The following RUNDC3B variants were observed in gnomAD, a reference collection of about 807,000 sequenced individuals.
The protein encoded by RUNDC3B is RUN domain containing 3B, also known as RUN domain-containing protein 3B.
RUNDC3B carries 33 observed loss-of-function variants against 58.4 expected under a neutral mutation model. The observed-to-expected ratio is 0.56, with a 90% CI of 0.43 to 0.75. The LOEUF (loss-of-function observed/expected upper bound fraction) is 0.75, where lower values mean the gene tolerates loss of function less well. RUNDC3B is among the 30% of genes least tolerant of loss of function. The pLI, the probability that RUNDC3B is intolerant of heterozygous loss-of-function variation, is 0.00. For synonymous variants in RUNDC3B, 193 were observed against 195.2 expected, an observed-to-expected ratio of 0.99 and a Z score of 0.10; for missense variants, 501 against 535.7, an observed-to-expected ratio of 0.94 and a Z score of 0.64.
intron 4 of RUNDC3B, among the ~76,000 whole-genome samples, chr7:87,735,492 G>GCCCA (rs1831871992): frequency 6.6e-6 from 1 of 152,172 alleles, no homozygotes; most frequent in Non-Finnish European, 1.5e-5. Context: ...AGGCTCTGTG[G>GCCCA]CTGTCACATT....
intron 4 of RUNDC3B, among the ~76,000 whole-genome samples, chr7:87,736,873 ATATATATATATATATATTTTTTTTTTTT>A (rs1831987247): frequency 2.7e-5 from 1 of 37,640 alleles, no homozygotes; most frequent in African/African-American, 1.0e-4. Flanking sequence ...ATATATATAT[ATATATATATATATATATTTTTTTTTTTT>A]TTTTTTTTTT....
At chr7:87,748,615 C>T (rs1044430230) in intron 6 of RUNDC3B, among the ~76,000 whole-genome samples, 2 of 152,154 alleles carry the variant, frequency 1.3e-5, no homozygotes, top group Admixed American at 6.5e-5. Flanking sequence ...CACACACACA[C>T]ATTCAAAATG....
chr7:87,721,766 A>G (rs1181972687), intron 4 of RUNDC3B, among the ~76,000 whole-genome samples: 1 of 151,464 alleles, frequency 6.6e-6, no homozygotes, highest in Non-Finnish European at 1.5e-5. Context: ...CTATTCTAAC[A>G]TTCTCTTTCT....
Position 87,750,099 on chromosome 7 carries a change from A to G in RUNDC3B, c.629+8520A>G, listed in dbSNP as rs556067760. On this transcript the variant is annotated intron_variant, in intron 6 of 10. Coordinates refer to ENST00000394654, the MANE Select transcript of RUNDC3B (RefSeq NM_001134405.2). ...TGTGTCCATGTGTTCTCATTGTTCA[A>G]TTCCCACCTATGAGTGAGAATATGT... Among the ~76,000 whole-genome samples, 83 of 151,844 alleles carry G rather than the reference A, an allele frequency of 5.5e-4. No individual in the cohort carries two copies. The East Asian group carries it at 8.1e-3, about 15-fold the overall frequency.
chr7:87,817,264 A>G (rs1270842021), intron 10 of RUNDC3B, among the ~76,000 whole-genome samples: 1 of 152,178 alleles, frequency 6.6e-6, no homozygotes, highest in African/African-American at 2.4e-5. Context: ...AATCTTCTCT[A>G]TTACTGCAAC....
intron 2 of RUNDC3B, among the ~76,000 whole-genome samples, chr7:87,668,467 T>G (rs988248800): frequency 1.3e-5 from 2 of 152,132 alleles, no homozygotes; most frequent in African/African-American, 4.8e-5. Flanking sequence ...ATTGTTTTTT[T>G]TGTGTCTCAG....
chr7:87,690,653 C>A (rs558645982), intron 2 of RUNDC3B, among the ~76,000 whole-genome samples: 1 of 152,172 alleles, frequency 6.6e-6, no homozygotes, highest in South Asian at 2.1e-4. Context: ...TGTTGCTTCG[C>A]TGAAAAATTT....
chr7:87,679,414 G>T (rs1259475544), intron 2 of RUNDC3B, among the ~76,000 whole-genome samples: 1 of 148,538 alleles, frequency 6.7e-6, no homozygotes, highest in African/African-American at 2.5e-5. Flanking sequence ...TTTAAGACAG[G>T]ATCTCACCCT....
chr7:87,803,356 A>G (rs1243793888), intron 8 of RUNDC3B, among the ~76,000 whole-genome samples: 1 of 152,342 alleles, frequency 6.6e-6, no homozygotes, highest in African/African-American at 2.4e-5. Flanking sequence ...TTGAATTTAC[A>G]TATATCCATC....
chr7:87,649,976 A>T (rs1431063659), intron 1 of RUNDC3B, among the ~76,000 whole-genome samples: 1 of 152,192 alleles, frequency 6.6e-6, no homozygotes, highest in Non-Finnish European at 1.5e-5. Context: ...TAGAACAGTG[A>T]GTCAATTAAA....
At chr7:87,736,387 A>G (rs1370453443) in intron 4 of RUNDC3B, among the ~76,000 whole-genome samples, 1 of 152,182 alleles carries the variant, frequency 6.6e-6, no homozygotes, top group Non-Finnish European at 1.5e-5. Context: ...ATTCCTTAAA[A>G]TATTCTTACA....
chr7:87,785,033 C>T (rs919501956), intron 8 of RUNDC3B, among the ~76,000 whole-genome samples: 3 of 151,952 alleles, frequency 2.0e-5, no homozygotes, highest in Non-Finnish European at 4.4e-5. Flanking sequence ...TTAACTGGGT[C>T]AAGGGCATAG....
intron 8 of RUNDC3B, among the ~76,000 whole-genome samples, chr7:87,789,419 T>C (rs1835406284): frequency 6.6e-6 from 1 of 152,320 alleles, no homozygotes; most frequent in East Asian, 1.9e-4. Flanking sequence ...ACTGATGGCA[T>C]GATCTATCAG....
At chr7:87,719,764 A>G (rs1365902904) in intron 4 of RUNDC3B, among the ~76,000 whole-genome samples, 3 of 151,844 alleles carry the variant, frequency 2.0e-5, no homozygotes, top group Admixed American at 1.3e-4. Flanking sequence ...TCAATCAATC[A>G]ATCAGTTTGC....
At chr7:87,710,955 G>T (rs185671704) in intron 4 of RUNDC3B, among the ~76,000 whole-genome samples, 1 of 152,160 alleles carries the variant, frequency 6.6e-6, no homozygotes, top group African/African-American at 2.4e-5. Context: ...TTCCCTGATG[G>T]ATTTGAATTT....
In RUNDC3B at chr7:87,777,836, A is replaced by G. The variant is rs1834720064; in HGVS notation, c.837A>G (p.Gln279=). ...LEELLRLREN[Q]LSESVSQNKI... is the part of the protein sequence containing the mutation. ...AACTCTTACGACTTCGAGAGAACCA[A>G]CTATCTGAATCTGTCTCCCAGAATA... The change falls in exon 8 of 11, where the codon CAA becomes CAG. Residue 279 remains glutamine, a synonymous_variant. Transcript: ENST00000394654. 2 of 1,613,742 alleles carry G rather than the reference A, an allele frequency of 1.2e-6. No homozygotes were observed. Among genetic ancestry groups the G allele is most frequent in the South Asian group, 1.1e-5 (1 of 91,072 alleles).
At chr7:87,746,834 A>G (rs1431480332) in intron 6 of RUNDC3B, among the ~76,000 whole-genome samples, 8 of 152,050 alleles carry the variant, frequency 5.3e-5, no homozygotes. Context: ...AATGTGAGGT[A>G]CCCTTGCATT....
chr7:87,724,826 T>A (rs1168632938), intron 4 of RUNDC3B, among the ~76,000 whole-genome samples: 1 of 152,096 alleles, frequency 6.6e-6, no homozygotes, highest in African/African-American at 2.4e-5. Flanking sequence ...ACACTCAACA[T>A]TAGATTACTT....
intron 4 of RUNDC3B, among the ~76,000 whole-genome samples, chr7:87,739,008 T>G (rs1264594229): frequency 6.6e-6 from 1 of 151,938 alleles, no homozygotes; most frequent in Non-Finnish European, 1.5e-5. Context: ...TCATCCCTGG[T>G]TACTGATATA....
Sources: gnomAD v4.1 joint callset for allele counts (sites outside exome capture counted in the v4.1 genomes callset) on GRCh38, gnomAD v4.1.1 for gene constraint, MANE v1.5 for transcripts, NCBI Gene and HGNC (gene_info 2026-07-23, HGNC 2026-07-21) for gene names.